Variants in IQGAP2 observed in about 807,000 individuals in gnomAD.
The protein encoded by IQGAP2 is ras GTPase-activating-like protein IQGAP2.
A neutral mutation model predicts 201.3 loss-of-function variants in IQGAP2; 173 were observed. The observed-to-expected ratio is 0.86, with a 90% CI of 0.76 to 0.98. The LOEUF is 0.98. IQGAP2 is among the 50% of genes least tolerant of loss of function. The probability of loss-of-function intolerance (pLI) is 0.00; values close to 1 mark genes in which losing one functional copy is unlikely to be tolerated. For missense variants in IQGAP2, 1,687 were observed against 1,864.8 expected (o/e 0.90, Z 1.76); for synonymous variants, 675 against 673.9 (o/e 1.00, Z -0.03).
At chr5:76,670,249 C>T (rs934020657) in intron 23 of IQGAP2, among the ~76,000 whole-genome samples, 8 of 152,312 alleles carry the variant, frequency 5.3e-5, no homozygotes, top group East Asian at 3.9e-4. Context: ...CGGTGGCTCA[C>T]GCCTGTAGTC....
chr5:76,513,570 G>A (rs763876607), intron 2 of IQGAP2, among the ~76,000 whole-genome samples: 59 of 152,340 alleles, frequency 3.9e-4, no homozygotes, highest in Non-Finnish European at 6.8e-4. Flanking sequence ...CAGTGAAAGA[G>A]TTAGTGGAAG....
intron 32 of IQGAP2, among the ~76,000 whole-genome samples, chr5:76,696,819 C>G (rs1211209596): frequency 6.6e-6 from 1 of 151,992 alleles, no homozygotes; most frequent in Admixed American, 6.6e-5. Flanking sequence ...ACATGATATT[C>G]TATTTAATGA....
chr5:76,661,518 C>A (rs1322866607), intron 21 of IQGAP2, among the ~76,000 whole-genome samples: 1 of 152,066 alleles, frequency 6.6e-6, no homozygotes, highest in Non-Finnish European at 1.5e-5. Context: ...GCCAGTACTA[C>A]CTGAAACTCA....
Position 76,627,471 on chromosome 5 carries a change from C to A in IQGAP2, c.1583C>A (p.Ala528Asp). 6.3e-7 allele frequency: 1 copy of A among 1,592,140 alleles called. No individual in the cohort carries two copies. Among genetic ancestry groups the A allele is most frequent in the South Asian group, 1.1e-5 (1 of 90,532 alleles). ...LDEIQQAVDDANVDKDRAKQW... is the reference protein window; with the variant it reads ...LDEIQQAVDDDNVDKDRAKQW... ...GAGATACAGCAAGCCGTCGATGATG[C>A]CAACGTGGACAAGGACAGAGCAAAA... The change falls in exon 14 of 36, where the codon GCC becomes GAC. Residue 528 changes from alanine (A) to aspartate (D), a missense_variant. By Grantham distance (126) the Ala-to-Asp change is moderately radical. Transcript: ENST00000274364.
chr5:76,511,754 C>G lies in IQGAP2; in HGVS notation c.146+50085C>G, dbSNP rs1450337643. On this transcript the variant is annotated intron_variant, in intron 2 of 35. Coordinates refer to ENST00000274364, the MANE Select transcript of IQGAP2 (RefSeq NM_006633.5). ...GGAGTGCAGTGGCGCGATCTCGGCT[C>G]ACTGCAAGCTCTGCCTCCCGGGTTC... Among the ~76,000 whole-genome samples the G allele has an allele frequency of 4.6e-5, 7 of 151,546 alleles. No individual in the cohort carries two copies. The South Asian group carries it at 8.3e-4, about 18-fold the overall frequency.
chr5:76,624,825 G>C (rs908417981), intron 13 of IQGAP2, among the ~76,000 whole-genome samples: 14 of 152,172 alleles, frequency 9.2e-5, no homozygotes, highest in Non-Finnish European at 1.6e-4. Flanking sequence ...TGTAATCCCA[G>C]CACTTTGTAA....
intron 18 of IQGAP2, among the ~76,000 whole-genome samples, chr5:76,653,469 C>T (rs972960665): frequency 1.3e-5 from 2 of 152,162 alleles, no homozygotes; most frequent in African/African-American, 4.8e-5. Flanking sequence ...GTTTAAAGAT[C>T]TTTCAGGCCA....
intron 21 of IQGAP2, among the ~76,000 whole-genome samples, chr5:76,663,172 C>T (rs1743417985): frequency 6.6e-6 from 1 of 152,202 alleles, no homozygotes; most frequent in Admixed American, 6.5e-5. Flanking sequence ...GGCCCATGTC[C>T]GCTTGTGAAA....
At chr5:76,580,988 G>T (rs1745811376) in intron 5 of IQGAP2, among the ~76,000 whole-genome samples, 1 of 152,234 alleles carries the variant, frequency 6.6e-6, no homozygotes, top group African/African-American at 2.4e-5. Flanking sequence ...AGCTATGTCT[G>T]CCTCTCCTCT....
chr5:76,524,048 A>C (rs1758837081), intron 2 of IQGAP2, among the ~76,000 whole-genome samples: 1 of 152,106 alleles, frequency 6.6e-6, no homozygotes, highest in Non-Finnish European at 1.5e-5. Flanking sequence ...GAGTCTATAA[A>C]TCTGGGGCAT....
chr5:76,448,973 G>C (rs1418378764), intron 1 of IQGAP2, among the ~76,000 whole-genome samples: 1 of 152,122 alleles, frequency 6.6e-6, no homozygotes, highest in Admixed American at 6.5e-5. Context: ...ATTTTGAGCT[G>C]TCACCTGATC....
At chr5:76,565,670 T>G (rs770878328) in intron 3 of IQGAP2, among the ~76,000 whole-genome samples, 45 of 152,254 alleles carry the variant, frequency 3.0e-4, no homozygotes, top group Non-Finnish European at 5.9e-4. Context: ...CAGGGTCTTA[T>G]CCACAGTAGG....
At chr5:76,703,809 C>T (rs1255361527) in intron 35 of IQGAP2, among the ~76,000 whole-genome samples, 1 of 152,290 alleles carries the variant, frequency 6.6e-6, no homozygotes, top group East Asian at 1.9e-4. Flanking sequence ...CCCCAAACTA[C>T]TTACAAAATG....
At chr5:76,705,094 G>A (rs964719468) in intron 35 of IQGAP2, among the ~76,000 whole-genome samples, 1 of 152,100 alleles carries the variant, frequency 6.6e-6, no homozygotes, top group Admixed American at 6.5e-5. Flanking sequence ...GGACTGCAGG[G>A]TGGGCCTTCT....
At chr5:76,683,025 T>G in intron 28 of IQGAP2, 90 bp from the exon 29 acceptor site, 1 of 702,584 alleles carries the variant, frequency 1.4e-6, no homozygotes, top group South Asian at 2.1e-5. Context: ...TTAAATGGTA[T>G]GAGGAGGAAA....
chr5:76,521,966 A>G (rs1758706467), intron 2 of IQGAP2, among the ~76,000 whole-genome samples: 1 of 152,030 alleles, frequency 6.6e-6, no homozygotes, highest in African/African-American at 2.4e-5. Flanking sequence ...AAAAAATGCA[A>G]CCAACAGAAT....
At chr5:76,613,455 G>A (rs778872456) in intron 13 of IQGAP2, among the ~76,000 whole-genome samples, 5 of 152,180 alleles carry the variant, frequency 3.3e-5, no homozygotes, top group Non-Finnish European at 7.4e-5. Context: ...GTATAAAATT[G>A]GAATAATAGT....
At chr5:76,600,725 G>A in intron 10 of IQGAP2, 87 bp from the exon 11 acceptor site, 1 of 1,480,162 alleles carries the variant, frequency 6.8e-7, no homozygotes, top group Non-Finnish European at 9.2e-7. Context: ...ACTTTTTGTT[G>A]TTTGTTGAAA....
At position 76,403,784 on chromosome 5, in the gene IQGAP2, C is replaced by CA. The variant is rs1387506637; in HGVS notation, c.46+195dup. ...GCGTCCCCCCGCTCCTCCCGCCCCC[C>CA]AATTCCTAATATCCAGCTGGCAACC... On this transcript the variant is annotated intron_variant, in intron 1 of 35. Coordinates refer to ENST00000274364, the MANE Select transcript of IQGAP2 (RefSeq NM_006633.5). This position sits in a 1 kb window ranked among gnomAD's most constrained non-coding sequence, Gnocchi z 4.8. Among the ~76,000 whole-genome samples, 1 of 151,990 alleles carries CA rather than the reference C, an allele frequency of 6.6e-6. No homozygotes were observed.
Sources: allele counts gnomAD v4.1 joint callset (sites outside exome capture counted in the v4.1 genomes callset), GRCh38; gene constraint gnomAD v4.1.1; non-coding constraint Gnocchi (gnomAD v3.1); transcripts MANE v1.5; gene names NCBI Gene and HGNC (gene_info 2026-07-23, HGNC 2026-07-21).